The following CD302 variants were observed in gnomAD, a reference collection of about 807,000 sequenced individuals.
CD302 encodes CD302 molecule, also known as CD302 antigen.
A neutral mutation model predicts 26.5 loss-of-function variants in CD302; 23 were observed. That is an observed-to-expected ratio of 0.87 (90% CI 0.62 to 1.23). CD302 has a LOEUF of 1.23. Among genes scored for constraint, CD302 ranks in the 50% most tolerant of loss-of-function variants. CD302 has a pLI of 0.00. For missense variants in CD302, 290 were observed against 275.5 expected (o/e 1.05, Z -0.37); for synonymous variants, 90 against 99.4 (o/e 0.91, Z 0.56).
intron 1 of CD302, among the ~76,000 whole-genome samples, chr2:159,796,554 T>A (rs1006811820): frequency 1.3e-5 from 2 of 152,216 alleles, no homozygotes; most frequent in African/African-American, 4.8e-5. Flanking sequence ...ATAAGTTGGT[T>A]AACTAGCTAG....
chr2:159,772,264 T>A (rs1708173682), intron 5 of CD302, among the ~76,000 whole-genome samples: 1 of 152,222 alleles, frequency 6.6e-6, no homozygotes, highest in South Asian at 2.1e-4. Flanking sequence ...TAGGAAGTTG[T>A]GCACTTCTCC....
At chr2:159,776,030 T>TTTTTTTTTTTTTTTTTTTTTTA (rs55987429) in intron 5 of CD302, among the ~76,000 whole-genome samples, 1 of 146,226 alleles carries the variant, frequency 6.8e-6, no homozygotes, top group African/African-American at 2.5e-5. Flanking sequence ...TTTTTTTTTT[T>TTTTTTTTTTTTTTTTTTTTTTA]AAAGTAGAGT....
At chr2:159,784,481 G>A (rs995997975) in intron 1 of CD302, among the ~76,000 whole-genome samples, 16 of 148,818 alleles carry the variant, frequency 1.1e-4, no homozygotes, top group African/African-American at 2.2e-4. Context: ...TCAGCGTTCC[G>A]TGTAGCTGGG....
intron 1 of CD302, among the ~76,000 whole-genome samples, chr2:159,790,160 G>C (rs1282017249): frequency 6.6e-6 from 1 of 152,160 alleles, no homozygotes; most frequent in Non-Finnish European, 1.5e-5. Flanking sequence ...GGGGTGATGA[G>C]AAAAAGAGTA....
intron 1 of CD302, among the ~76,000 whole-genome samples, chr2:159,797,202 G>C (rs1682458052): frequency 8.9e-6 from 1 of 111,760 alleles, no homozygotes; most frequent in African/African-American, 3.8e-5. Flanking sequence ...TAAAAACGCA[G>C]TGAAATCTGG....
chr2:159,795,560 C>T (rs940686043), intron 1 of CD302, among the ~76,000 whole-genome samples: 3 of 152,166 alleles, frequency 2.0e-5, no homozygotes, highest in Admixed American at 6.5e-5. Context: ...AAAGATAAAA[C>T]ATGGACATGT....
intron 1 of CD302, among the ~76,000 whole-genome samples, chr2:159,785,170 C>A (rs914667745): frequency 6.6e-6 from 1 of 151,772 alleles, no homozygotes; most frequent in Non-Finnish European, 1.5e-5. Context: ...GAGACAAGGT[C>A]TTGCTATGTT....
intron 1 of CD302, among the ~76,000 whole-genome samples, chr2:159,786,322 TTGTC>T (rs1708661511): frequency 7.2e-6 from 1 of 139,094 alleles, no homozygotes; most frequent in South Asian, 2.3e-4. Flanking sequence ...TTGAAGCATG[TTGTC>T]TTTTTCTTTT....
chr2:159,792,228 T>G (rs989065400), intron 1 of CD302, among the ~76,000 whole-genome samples: 1 of 152,086 alleles, frequency 6.6e-6, no homozygotes, highest in African/African-American at 2.4e-5. Context: ...CACGTGGACT[T>G]CTACACAGGG....
chr2:159,772,199 T>C (rs947999539), intron 5 of CD302, 146 bp from the exon 6 acceptor site: 1 of 835,316 alleles, frequency 1.2e-6, no homozygotes, highest in Non-Finnish European at 1.8e-6. Context: ...AAATTTCGCA[T>C]TTGTTACTAA....
At chr2:159,783,826 A>G (rs1219050701) in intron 1 of CD302, among the ~76,000 whole-genome samples, 6 of 152,240 alleles carry the variant, frequency 3.9e-5, no homozygotes, top group Admixed American at 6.5e-5. Flanking sequence ...TTATCTTTGC[A>G]GTATTTAACA....
chr2:159,780,283 T>C, intron 3 of CD302, 105 bp from the exon 4 acceptor site: 2 of 1,215,700 alleles, frequency 1.6e-6, no homozygotes, highest in South Asian at 3.2e-5. Flanking sequence ...ATGTCTGGTC[T>C]AAACTTCTGA....
At position 159,771,495 on chromosome 2, in the gene CD302, A is replaced by G. The variant is rs1483218602; in HGVS notation, c.*356T>C. ...CTTATTCCCCATTTCATGTTTACTAATAAACATATAAACTAAAGTGGGTCA... is the reference window on the plus strand; with the variant it reads ...CTTATTCCCCATTTCATGTTTACTAGTAAACATATAAACTAAAGTGGGTCA... On this transcript the variant is annotated 3_prime_UTR_variant, in exon 6 of 6. Transcript: ENST00000259053. 1 of 170,798 alleles carries G rather than the reference A, an allele frequency of 5.9e-6. No homozygotes were observed. The highest frequency in any genetic ancestry group is 1.3e-5 in the Non-Finnish European group (1 of 79,774). The allele number at this position is 170,798 out of a possible 1,614,324, so 10.6% of individuals were successfully genotyped here.
rs762361960 is a variant in CD302, at chr2:159,772,069, C to CAA, written c.497-18_497-17dup. 6.2e-7 allele frequency: 1 copy of CAA among 1,612,576 alleles called. No homozygotes were observed. Among genetic ancestry groups the CAA allele is most frequent in the Non-Finnish European group, 8.5e-7 (1 of 1,179,178 alleles). On this transcript the variant is annotated splice_polypyrimidine_tract_variant and intron_variant, in intron 5 of 5. Transcript: ENST00000259053. ...ATGTGGTTATCTGAAAAGGAAAAGA[C>CAA]AAAAGAGTATTTGGGAAATTAGGGT...
chr2:159,775,633 A>C lies in CD302; in HGVS notation c.496+2305T>G, dbSNP rs113868978. On this transcript the variant is annotated intron_variant, in intron 5 of 5. Coordinates refer to ENST00000259053, the MANE Select transcript of CD302 (RefSeq NM_014880.5). ...CGCTGCTTGATTTTTTAAAAATGTAATTTAAAGAAATACATGTAACAAATA... is the reference window on the plus strand; with the variant it reads ...CGCTGCTTGATTTTTTAAAAATGTACTTTAAAGAAATACATGTAACAAATA... Among the ~76,000 whole-genome samples, 1,065 of 152,308 alleles carry C rather than the reference A, an allele frequency of 7.0e-3. 11 individuals are homozygous for C. The highest frequency in any genetic ancestry group is 0.025 in the African/African-American group (1,024 of 41,564).
At chr2:159,777,856 G>C in intron 5 of CD302, 82 bp downstream of exon 5, 5 of 661,624 alleles carry the variant, frequency 7.6e-6, no homozygotes, top group Non-Finnish European at 1.2e-5. Flanking sequence ...TTTAAAAAGG[G>C]ATCTGTAATG....
chr2:159,792,055 G>A (rs1264919066), intron 1 of CD302, among the ~76,000 whole-genome samples: 1 of 152,116 alleles, frequency 6.6e-6, no homozygotes. Context: ...TGCTTGTCTG[G>A]GTGATTCTGG....
intron 3 of CD302, among the ~76,000 whole-genome samples, chr2:159,780,463 C>T (rs1463077118): frequency 2.0e-5 from 3 of 151,862 alleles, no homozygotes; most frequent in African/African-American, 7.3e-5. Flanking sequence ...TAATAGTAAC[C>T]TTAGTAATTT....
intron 1 of CD302, among the ~76,000 whole-genome samples, chr2:159,792,972 G>C (rs758210291): frequency 1.3e-5 from 2 of 152,190 alleles, no homozygotes; most frequent in Non-Finnish European, 2.9e-5. Flanking sequence ...GAGAAGAACA[G>C]TGCTCAAATA....
Sources: gnomAD v4.1 joint callset for allele counts (sites outside exome capture counted in the v4.1 genomes callset) on GRCh38, gnomAD v4.1.1 for gene constraint, MANE v1.5 for transcripts, NCBI Gene and HGNC (gene_info 2026-07-23, HGNC 2026-07-21) for gene names.